The following SIL1 variants were observed in gnomAD, a reference collection of about 807,000 sequenced individuals.
SIL1 encodes SIL1 nucleotide exchange factor.
Under a neutral mutation model 49.1 loss-of-function variants are expected in SIL1, and 40 were observed. The observed-to-expected ratio is 0.81, with a 90% confidence interval of 0.63 to 1.06. The LOEUF is 1.06. SIL1 is among the 50% of genes least tolerant of loss of function. The pLI, the probability that SIL1 is intolerant of heterozygous loss-of-function variation, is 0.00. For synonymous variants in SIL1, 253 were observed against 250.8 expected (o/e 1.01, Z -0.08); for missense variants, 500 against 572.6 (o/e 0.87, Z 1.29).
At chr5:139,166,471 G>A (rs979790793) in intron 1 of SIL1, among the ~76,000 whole-genome samples, 1 of 152,150 alleles carries the variant, frequency 6.6e-6, no homozygotes, top group Non-Finnish European at 1.5e-5. Flanking sequence ...AGATCAGCCT[G>A]AGCAATATAG....
In SIL1 at chr5:138,951,188, C is replaced by A; in HGVS notation, c.1012G>T (p.Asp338Tyr). Reference sequence around the variant, plus strand: ...GCACTCACCTTCTCCGTGACCAGGTCGTAGAGCAGTGTGACCACGCGCACG... The same window carrying A: ...GCACTCACCTTCTCCGTGACCAGGTAGTAGAGCAGTGTGACCACGCGCACG... ...LAVRVVTLLY[D>Y]LVTEKMFAEE... Residue 338 changes from aspartate (D) to tyrosine (Y), a missense_variant, in exon 9 of 10, where the codon GAC becomes TAC. Physicochemically the swap from Asp to Tyr is radical, Grantham distance 160 (BLOSUM62 -3). Coordinates refer to ENST00000394817, the MANE Select transcript of SIL1 (RefSeq NM_022464.5). 1 of 1,611,528 alleles carries A rather than the reference C, an allele frequency of 6.2e-7. No individual in the cohort carries two copies. Among genetic ancestry groups the A allele is most frequent in the South Asian group, 1.1e-5 (1 of 90,284 alleles).
intron 7 of SIL1, among the ~76,000 whole-genome samples, chr5:138,972,784 G>A (rs957351676): frequency 1.3e-5 from 2 of 152,188 alleles, no homozygotes; most frequent in African/African-American, 4.8e-5. Flanking sequence ...CCTCAAAATA[G>A]TACATGAACC....
At chr5:138,993,585 C>T (rs1055591476) in intron 7 of SIL1, among the ~76,000 whole-genome samples, 7 of 152,124 alleles carry the variant, frequency 4.6e-5, no homozygotes, top group East Asian at 1.9e-4. Flanking sequence ...CTACGTAAGA[C>T]GGTAACATCT....
intron 7 of SIL1, among the ~76,000 whole-genome samples, chr5:139,018,312 G>A (rs1768443154): frequency 6.6e-6 from 1 of 152,176 alleles, no homozygotes; most frequent in East Asian, 1.9e-4. Context: ...TTAGCAACAA[G>A]AGACCGGACA....
chr5:139,172,603 G>A (rs957699865), intron 1 of SIL1, among the ~76,000 whole-genome samples: 49 of 151,376 alleles, frequency 3.2e-4, no homozygotes, highest in Middle Eastern at 3.4e-3. Context: ...ACTGCACTCC[G>A]GCCGGGGAAT....
intron 9 of SIL1, among the ~76,000 whole-genome samples, chr5:138,950,330 A>G (rs74400401): frequency 0.023 from 3,483 of 152,338 alleles, 136 homozygotes; most frequent in African/African-American, 0.081. Context: ...CAGCTTTAAC[A>G]AGAGAAGAGA....
At chr5:139,184,708 T>C (rs1752048107) in intron 1 of SIL1, among the ~76,000 whole-genome samples, 1 of 152,118 alleles carries the variant, frequency 6.6e-6, no homozygotes, top group Non-Finnish European at 1.5e-5. Context: ...TAAATGGGGA[T>C]GTCATAAGAA....
At chr5:139,032,006 T>C (rs1768804387) in intron 5 of SIL1, among the ~76,000 whole-genome samples, 2 of 152,020 alleles carry the variant, frequency 1.3e-5, no homozygotes, top group Admixed American at 6.6e-5. Context: ...TCTAGAAGAC[T>C]TTTTTTTGGA....
At chr5:139,042,831 T>C (rs2150446551) in intron 4 of SIL1, 112 bp from the exon 5 acceptor site, 1 of 970,078 alleles carries the variant, frequency 1.0e-6, no homozygotes, top group Non-Finnish European at 1.7e-6. Flanking sequence ...AGATCCCATC[T>C]CTACAAAAAA....
At chr5:139,059,980 AC>A (rs1246801210) in intron 3 of SIL1, among the ~76,000 whole-genome samples, 3 of 152,256 alleles carry the variant, frequency 2.0e-5, no homozygotes, top group Non-Finnish European at 4.4e-5. Flanking sequence ...AAACTAGATT[AC>A]AGCATGTATG....
chr5:139,157,446 GAGA>G (rs1751427688), intron 1 of SIL1, among the ~76,000 whole-genome samples: 3 of 152,284 alleles, frequency 2.0e-5, no homozygotes, highest in African/African-American at 7.2e-5. Context: ...GGAACACCAA[GAGA>G]AGGAGTGAGC....
chr5:139,046,291 C>T (rs1252995326), intron 4 of SIL1, among the ~76,000 whole-genome samples: 2 of 152,030 alleles, frequency 1.3e-5, no homozygotes, highest in Admixed American at 6.6e-5. Flanking sequence ...GGTGCCACTG[C>T]ACTCCAGCCT....
In SIL1 at chr5:139,127,820, T is replaced by A; in HGVS notation, c.24A>T (p.Ser8=). MAPQSLP[S]SRMAPLGMLL... ...GCATGCCCAGAGGAGCCATCCTAGATGAAGGCAGGCTCTGGGGAGCCATAG... is the reference window on the plus strand; with the variant it reads ...GCATGCCCAGAGGAGCCATCCTAGAAGAAGGCAGGCTCTGGGGAGCCATAG... The change falls in exon 2 of 10, where the codon TCA becomes TCT. Residue 8 remains serine, a synonymous_variant. Coordinates refer to ENST00000394817, the MANE Select transcript of SIL1 (RefSeq NM_022464.5). 6.2e-7 allele frequency: 1 copy of A among 1,606,078 alleles called. No individual in the cohort carries two copies. Among genetic ancestry groups the A allele is most frequent in the Non-Finnish European group, 8.5e-7 (1 of 1,177,096 alleles).
intron 7 of SIL1, among the ~76,000 whole-genome samples, chr5:138,972,417 G>GT (rs1314063098): frequency 3.9e-5 from 6 of 152,244 alleles, no homozygotes; most frequent in African/African-American, 1.2e-4. Flanking sequence ...GGGTCCAGAT[G>GT]TAAGAACCTC....
intron 1 of SIL1, among the ~76,000 whole-genome samples, chr5:139,144,933 T>C (rs1751164770): frequency 6.6e-6 from 1 of 152,172 alleles, no homozygotes; most frequent in Non-Finnish European, 1.5e-5. Flanking sequence ...CTTCATGACC[T>C]TGGATTCGGC....
intron 1 of SIL1, among the ~76,000 whole-genome samples, chr5:139,170,788 C>T (rs1354863465): frequency 6.6e-6 from 1 of 151,160 alleles, no homozygotes; most frequent in Non-Finnish European, 1.5e-5. Flanking sequence ...GGGGTCAGCC[C>T]TGGCCAGGCC....
chr5:139,126,379 G>A (rs767058209), intron 2 of SIL1, among the ~76,000 whole-genome samples: 14 of 152,148 alleles, frequency 9.2e-5, no homozygotes, highest in Admixed American at 2.0e-4. Context: ...TTCCTAACTC[G>A]GTCCTTAAGT....
chr5:139,167,584 T>TATAA (rs1427942692), intron 1 of SIL1, among the ~76,000 whole-genome samples: 3 of 152,264 alleles, frequency 2.0e-5, no homozygotes, highest in Admixed American at 2.0e-4. Flanking sequence ...TTTAAGCTGT[T>TATAA]ATTATGAGTC....
intron 5 of SIL1, among the ~76,000 whole-genome samples, chr5:139,036,411 C>T (rs533040999): frequency 6.6e-6 from 1 of 152,226 alleles, no homozygotes; most frequent in African/African-American, 2.4e-5. Context: ...GAATCCTTTC[C>T]CCATTGCTTG....
Sources: gnomAD v4.1 joint callset for allele counts (sites outside exome capture counted in the v4.1 genomes callset) on GRCh38, gnomAD v4.1.1 for gene constraint, MANE v1.5 for transcripts, NCBI Gene and HGNC (gene_info 2026-07-23, HGNC 2026-07-21) for gene names.